Variants in DNAH11 observed in about 807,000 individuals in gnomAD.
DNAH11 encodes dynein axonemal heavy chain 11.
A neutral mutation model predicts 526.0 loss-of-function variants in DNAH11; 442 were observed. That is an observed-to-expected ratio of 0.84 (90% CI 0.78 to 0.91). The LOEUF (loss-of-function observed/expected upper bound fraction) is 0.91, where lower values mean the gene tolerates loss of function less well. Among genes scored for constraint, DNAH11 ranks in the 40% least tolerant of loss-of-function variants. DNAH11 has a pLI of 0.00. For missense variants in DNAH11, 6,989 were observed against 5,448.7 expected (o/e 1.28, Z -8.90); for synonymous variants, 2,461 against 1,935.9 (o/e 1.27, Z -7.12).
chr7:21,628,713 G>T (rs186258660), intron 25 of DNAH11, among the ~76,000 whole-genome samples: 1 of 151,886 alleles, frequency 6.6e-6, no homozygotes. Flanking sequence ...GAGAATTGTG[G>T]CATCTATGTT....
Position 21,543,572 on chromosome 7 carries a change from G to C in DNAH11, c.327G>C (p.Ser109=). ...PACLVFSFAA[S]GRLAASQEIP... is the part of the protein sequence containing the mutation. ...GCCTTGTGTTTAGCTTCGCCGCCTC[G>C]GGGCGCCTTGCGGCTTCCCAGGAGG... Residue 109 remains serine (S), a synonymous_variant, in exon 1 of 82, where the codon TCG becomes TCC. Transcript: ENST00000409508. 1 of 1,600,434 alleles carries C rather than the reference G, an allele frequency of 6.2e-7. No individual in the cohort carries two copies. The highest frequency in any genetic ancestry group is 2.3e-5 in the East Asian group (1 of 44,370).
rs1786359977 is a variant in DNAH11 at position 21,750,319 on chromosome 7, A to G, written c.8895A>G (p.Glu2965=). Residue 2965 remains glutamate (E), a synonymous_variant, in exon 54 of 82, where the codon GAA becomes GAG. Transcript: ENST00000409508. Reference sequence around the variant, plus strand: ...CTCTGGGCATGGTAGACTCCAGGGAAAACTGTTGGAAATTCTTTATGGCCA... The same window carrying G: ...CTCTGGGCATGGTAGACTCCAGGGAGAACTGTTGGAAATTCTTTATGGCCA... The part of the protein sequence containing the change: ...VHALGMVDSR[E]NCWKFFMARV... 6.2e-7 allele frequency: 1 copy of G among 1,605,804 alleles called. No homozygotes were observed. The highest frequency in any genetic ancestry group is 8.5e-7 in the Non-Finnish European group (1 of 1,176,000).
intron 66 of DNAH11, among the ~76,000 whole-genome samples, chr7:21,846,147 T>C (rs1782408694): frequency 6.6e-6 from 1 of 152,220 alleles, no homozygotes; most frequent in South Asian, 2.1e-4. Flanking sequence ...TTTGGGATTT[T>C]CCACATAGAT....
chr7:21,566,297 G>T (rs2128434330), intron 6 of DNAH11, among the ~76,000 whole-genome samples: 1 of 152,080 alleles, frequency 6.6e-6, no homozygotes, highest in African/African-American at 2.4e-5. Context: ...CTTAGTTCTG[G>T]CTTCTATCCA....
intron 57 of DNAH11, among the ~76,000 whole-genome samples, chr7:21,783,174 C>T (rs1228263421): frequency 6.6e-6 from 1 of 152,050 alleles, no homozygotes; most frequent in African/African-American, 2.4e-5. Context: ...TGGTCCATTC[C>T]TGGCAGCTTT....
rs114118793 is a variant in DNAH11 at position 21,825,473 on chromosome 7, C to T, written c.10691+7134C>T. ...TCCAAAGTGTTTAGAAATGTACATG[C>T]TCACTAGTAGTATATAAGAATTGTG... On this transcript the variant is annotated intron_variant, in intron 65 of 81. Transcript: ENST00000409508. 9.1e-3 allele frequency among the ~76,000 whole-genome samples: 1,381 copies of T among 152,292 alleles called. 24 individuals are homozygous for T. Among genetic ancestry groups the T allele is most frequent in the African/African-American group, 0.03 (1,250 of 41,540 alleles).
intron 28 of DNAH11, 86 bp downstream of exon 28, chr7:21,639,151 C>A: frequency 6.9e-7 from 1 of 1,439,676 alleles, no homozygotes; most frequent in Non-Finnish European, 9.2e-7. Context: ...TGCTACCTGT[C>A]ATGTCACGTG....
rs1783441244 is a variant in DNAH11 at position 21,561,105 on chromosome 7, T to C, written c.917T>C (p.Ile306Thr). Residue 306 changes from isoleucine to threonine, a missense_variant, in exon 5 of 82, where the codon ATC (isoleucine) becomes ACC (threonine). Physicochemically the swap from Ile to Thr is moderately conservative, Grantham distance 89. Transcript: ENST00000409508. ...CCTGTTGTCCTCAAAATGGTTAAGATCCTGACAACTAAACAAAGCAGCTAT... is the reference window on the plus strand; with the variant it reads ...CCTGTTGTCCTCAAAATGGTTAAGACCCTGACAACTAAACAAAGCAGCTAT... ...QAPVVLKMVK[I>T]LTTKQSSYFP... 2 of 1,604,484 alleles carry C rather than the reference T, an allele frequency of 1.2e-6. No individual in the cohort carries two copies. Among genetic ancestry groups the C allele is most frequent in the African/African-American group, 1.3e-5 (1 of 74,928 alleles).
intron 42 of DNAH11, among the ~76,000 whole-genome samples, chr7:21,717,445 C>G (rs1784709285): frequency 6.6e-6 from 1 of 152,146 alleles, no homozygotes; most frequent in African/African-American, 2.4e-5. Flanking sequence ...AAGGCCTACA[C>G]TATGGGAATA....
At chr7:21,579,049 T>G (rs1011443858) in intron 8 of DNAH11, among the ~76,000 whole-genome samples, 1 of 152,222 alleles carries the variant, frequency 6.6e-6, no homozygotes, top group African/African-American at 2.4e-5. Flanking sequence ...GTGACTTGGC[T>G]TATTGCACTT....
chr7:21,852,423 A>T, intron 66 of DNAH11, 44 bp from the exon 67 acceptor site: 2 of 1,541,728 alleles, frequency 1.3e-6, no homozygotes, highest in East Asian at 2.3e-5. Context: ...AAAAAAAAAA[A>T]GTACTTAACC....
intron 61 of DNAH11, among the ~76,000 whole-genome samples, chr7:21,799,938 G>C (rs1252564835): frequency 1.3e-5 from 2 of 152,156 alleles, no homozygotes; most frequent in African/African-American, 2.4e-5. Flanking sequence ...TAATATGCTA[G>C]CAAGATACCA....
intron 65 of DNAH11, among the ~76,000 whole-genome samples, chr7:21,833,969 C>T (rs62445861): frequency 6.6e-6 from 1 of 152,092 alleles, no homozygotes; most frequent in South Asian, 2.1e-4. Context: ...CAGAAAGAAA[C>T]ATCAGAGTTA....
At position 21,591,006 on chromosome 7, in the gene DNAH11, G is replaced by A. The variant is rs868666125; in HGVS notation, c.2258G>A (p.Arg753Lys). The A allele has an allele frequency of 1.3e-6, 2 of 1,509,312 alleles. No individual in the cohort carries two copies. The highest frequency in any genetic ancestry group is 1.7e-4 in the Middle Eastern group (1 of 5,810). 93.5% of individuals were successfully genotyped at this position (1,509,312 alleles called of 1,614,324 possible). A position where few individuals can be genotyped will look rare whatever the true frequency, so the allele number is the denominator to read the frequency against. The change falls in exon 13 of 82, where the codon AGG becomes AAG. Residue 753 changes from arginine (R) to lysine (K), a missense_variant. Arg to Lys is a conservative substitution (Grantham distance 26, BLOSUM62 2). Transcript: ENST00000409508. ...PDSALAIFKK[R>K]NTILKYIGNL... ...TCAGCTTTAGCCATCTTCAAGAAAAGGAACACTATTTTAAAGGTTTGTGAT... is the reference window on the plus strand; with the variant it reads ...TCAGCTTTAGCCATCTTCAAGAAAAAGAACACTATTTTAAAGGTTTGTGAT...
At position 21,702,206 on chromosome 7, in the gene DNAH11, A is replaced by G. The variant is rs16872838; in HGVS notation, c.6181-504A>G. Reference sequence around the variant, plus strand: ...TGTAGTCTCAAAAACAGATAATTGAATTTTAATGACATGGTTTTTATTATA... The same window carrying G: ...TGTAGTCTCAAAAACAGATAATTGAGTTTTAATGACATGGTTTTTATTATA... On this transcript the variant is annotated intron_variant, in intron 36 of 81. Coordinates refer to ENST00000409508, the MANE Select transcript of DNAH11 (RefSeq NM_001277115.2). 8.9e-3 allele frequency among the ~76,000 whole-genome samples: 1,350 copies of G among 152,238 alleles called. 119 individuals carry two copies. In the East Asian group the frequency reaches 0.21, roughly 23 times the overall value.
chr7:21,591,547 A>G lies in DNAH11; in HGVS notation c.2637A>G (p.Gly879=). ...CAAAAAAATACAAGTTAATCCAAGG[A>G]GATGGCTGCAAGATCCACAACTTGG... The part of the protein sequence containing the change: ...LFTKKYKLIQ[G]DGCKIHNLVE... The change falls in exon 14 of 82, where the codon GGA becomes GGG. Residue 879 remains glycine (G), a synonymous_variant. Transcript: ENST00000409508. The G allele has an allele frequency of 6.3e-7, 1 of 1,582,406 alleles. No homozygotes were observed. Among genetic ancestry groups the G allele is most frequent in the African/African-American group, 1.3e-5 (1 of 74,304 alleles).
intron 67 of DNAH11, among the ~76,000 whole-genome samples, chr7:21,853,843 A>T (rs534257129): frequency 3.3e-5 from 5 of 152,238 alleles, no homozygotes; most frequent in Non-Finnish European, 7.3e-5. Flanking sequence ...GAGAGTCTCT[A>T]TATTAAGGCT....
intron 51 of DNAH11, among the ~76,000 whole-genome samples, chr7:21,746,269 C>A (rs1786146845): frequency 6.6e-6 from 1 of 152,136 alleles, no homozygotes; most frequent in African/African-American, 2.4e-5. Context: ...TAAGTGACAA[C>A]AGCCAAAGAC....
Position 21,744,884 on chromosome 7 carries a change from C to T in DNAH11, c.8331C>T (p.His2777=). The T allele has an allele frequency of 1.2e-6, 2 of 1,609,476 alleles. No individual in the cohort carries two copies. Among genetic ancestry groups the T allele is most frequent in the Non-Finnish European group, 1.7e-6 (2 of 1,177,866 alleles). Residue 2777 remains histidine (H), a synonymous_variant, in exon 51 of 82, where the codon CAC becomes CAT. Coordinates refer to ENST00000409508, the MANE Select transcript of DNAH11 (RefSeq NM_001277115.2). Reference sequence around the variant, plus strand: ...TCATCCTGCAGGGTATAGATAGTCACATGCTGCTTCAACAGCCCCTCATTT... The same window carrying T: ...TCATCCTGCAGGGTATAGATAGTCATATGCTGCTTCAACAGCCCCTCATTT... ...AYKYFEGIDS[H]MLLQQPLIYC...
Sources: allele counts gnomAD v4.1 joint callset (sites outside exome capture counted in the v4.1 genomes callset), GRCh38; gene constraint gnomAD v4.1.1; transcripts MANE v1.5; gene names NCBI Gene and HGNC (gene_info 2026-07-23, HGNC 2026-07-21).